GPATCH2L: variants seen among roughly 807,000 people sequenced by gnomAD.
The protein encoded by GPATCH2L is G-patch domain containing 2 like.
Under a neutral mutation model 57.4 loss-of-function variants are expected in GPATCH2L, and 31 were observed. The ratio of observed to expected loss-of-function variants is 0.54; its 90% CI spans 0.41 to 0.73. GPATCH2L has a LOEUF of 0.73. Ranked by LOEUF, GPATCH2L falls within the 30% of genes least tolerant of loss-of-function variation. GPATCH2L has a pLI of 0.00. For synonymous variants in GPATCH2L, 199 were observed against 210.7 expected (o/e 0.94, Z 0.48); for missense variants, 481 against 599.9 (o/e 0.80, Z 2.07).
intron 2 of GPATCH2L, among the ~76,000 whole-genome samples, chr14:76,231,292 T>A (rs12891471): frequency 6.6e-6 from 1 of 151,966 alleles, no homozygotes; most frequent in Non-Finnish European, 1.5e-5. Flanking sequence ...GCCCCTGTTA[T>A]AGACTCACAT....
At chr14:76,220,453 A>T (rs552157118) in intron 1 of GPATCH2L, among the ~76,000 whole-genome samples, 5 of 152,236 alleles carry the variant, frequency 3.3e-5, no homozygotes, top group African/African-American at 7.2e-5. Context: ...TACCAGAAAG[A>T]TAGAGTTTGT....
chr14:76,152,891 T>C, intron 1 of GPATCH2L: 1 of 390,560 alleles, frequency 2.6e-6, no homozygotes, highest in East Asian at 7.2e-5. Context: ...TTTATTTTGG[T>C]CTTAGGGACA....
At chr14:76,191,560 G>A (rs1457725169) in intron 8 of GPATCH2L, among the ~76,000 whole-genome samples, 1 of 152,036 alleles carries the variant, frequency 6.6e-6, no homozygotes, top group Non-Finnish European at 1.5e-5. Flanking sequence ...TCCATTTCCT[G>A]CCTCTAAATC....
intron 8 of GPATCH2L, among the ~76,000 whole-genome samples, chr14:76,181,457 C>G (rs1251244757): frequency 1.3e-5 from 2 of 152,228 alleles, no homozygotes; most frequent in African/African-American, 4.8e-5. Flanking sequence ...TCCTTTATGG[C>G]TCTATCACAG....
At chr14:76,195,225 C>T (rs1008535473) in intron 8 of GPATCH2L, among the ~76,000 whole-genome samples, 3 of 152,142 alleles carry the variant, frequency 2.0e-5, no homozygotes, top group Non-Finnish European at 4.4e-5. Flanking sequence ...CAGTGGTGAA[C>T]TAAAATAGCA....
downstream of GPATCH2L, among the ~76,000 whole-genome samples, chr14:76,218,118 T>C (rs879422029): frequency 7.9e-5 from 12 of 152,296 alleles, no homozygotes; most frequent in South Asian, 2.1e-4. Flanking sequence ...TCATGCTTAA[T>C]TGAGAATACC....
intron 2 of GPATCH2L, among the ~76,000 whole-genome samples, chr14:76,158,869 T>C (rs968848017): frequency 6.6e-6 from 1 of 152,192 alleles, no homozygotes; most frequent in Non-Finnish European, 1.5e-5. Flanking sequence ...TATGATACTA[T>C]TGTACTTGAA....
At chr14:76,219,807 G>A (rs897172163) in intron 1 of GPATCH2L, among the ~76,000 whole-genome samples, 1 of 152,136 alleles carries the variant, frequency 6.6e-6, no homozygotes, top group African/African-American at 2.4e-5. Context: ...GTGTCTTTTG[G>A]GAGCTGGCAA....
Position 76,195,924 on chromosome 14 carries a change from A to G in GPATCH2L, c.1240A>G (p.Arg414Gly), listed in dbSNP as rs887759593. 3.7e-6 allele frequency: 6 copies of G among 1,613,778 alleles called. No individual in the cohort carries two copies. Among genetic ancestry groups the G allele is most frequent in the Non-Finnish European group, 5.1e-6 (6 of 1,179,796 alleles). ...WGPPCSRDIK[R>G]KRKPVATASL... ...ACCACCATGTTCACGTGACATCAAG[A>G]GGAAGCGGAAACCAGTGGCCACAGC... The change falls in exon 9 of 10, where the codon AGG (arginine) becomes GGG (glycine). Residue 414 changes from arginine to glycine, a missense_variant. This residue lies in a region of GPATCH2L where 248 missense variants were observed against 270.5 expected (regional missense o/e 0.92). Coordinates refer to ENST00000261530, the MANE Select transcript of GPATCH2L (RefSeq NM_017926.4).
chr14:76,183,631 A>G (rs1295417791), intron 8 of GPATCH2L, among the ~76,000 whole-genome samples: 2 of 152,216 alleles, frequency 1.3e-5, no homozygotes, highest in African/African-American at 4.8e-5. Flanking sequence ...TTCATGGGAA[A>G]TGATCAGCGC....
intron 9 of GPATCH2L, among the ~76,000 whole-genome samples, chr14:76,199,225 C>G (rs1317500062): frequency 6.6e-6 from 1 of 151,922 alleles, no homozygotes; most frequent in Non-Finnish European, 1.5e-5. Flanking sequence ...AAAATCTTCT[C>G]CCTGCTCTCC....
chr14:76,196,338 A>G (rs2040149737), intron 9 of GPATCH2L: 2 of 533,562 alleles, frequency 3.7e-6, no homozygotes, highest in South Asian at 5.1e-5. Flanking sequence ...TTTTGCATAC[A>G]GTACAGTACA....
At position 76,202,562 on chromosome 14, in the gene GPATCH2L, C is replaced by CACACACAG. The variant is rs1555382895; in HGVS notation, c.*712_*713insCACACAGA. 6 of 150,028 alleles carry CACACACAG rather than the reference C, an allele frequency of 4.0e-5. No homozygotes were observed. The highest frequency in any genetic ancestry group is 1.9e-4 in the East Asian group (1 of 5,130). 9.3% of individuals were successfully genotyped at this position (150,028 alleles called of 1,614,324 possible). On this transcript the variant is annotated 3_prime_UTR_variant, in exon 10 of 10. Coordinates refer to ENST00000261530, the MANE Select transcript of GPATCH2L (RefSeq NM_017926.4). ...ACACACACACACACACACACACACACAGATTGGTATAATGGAGAAGATGGT... is the reference window on the plus strand; with the variant it reads ...ACACACACACACACACACACACACACACACACAGAGATTGGTATAATGGAGAAGATGGT...
chr14:76,221,575 G>A (rs1040087621), intron 1 of GPATCH2L, among the ~76,000 whole-genome samples: 1 of 151,820 alleles, frequency 6.6e-6, no homozygotes, highest in Non-Finnish European at 1.5e-5. Context: ...ATTTGTAATT[G>A]CCCAAGATGT....
intron 9 of GPATCH2L, among the ~76,000 whole-genome samples, chr14:76,201,108 G>C (rs1329410550): frequency 8.5e-5 from 13 of 152,166 alleles, no homozygotes; most frequent in Non-Finnish European, 1.9e-4. Context: ...TATTGGGCCT[G>C]ATTGTGCTCT....
In GPATCH2L at chr14:76,207,441, T is replaced by A. The variant is rs1352987244; in HGVS notation, c.*5590T>A. ...TGTGTAAGGTATGAGTTTACCATAT[T>A]TGTTCATTAGATCTTAGTTTCAAGG... On this transcript the variant is annotated 3_prime_UTR_variant, in exon 10 of 10. Transcript: ENST00000261530. 1 of 152,242 alleles carries A rather than the reference T, an allele frequency of 6.6e-6. No homozygotes were observed. Among genetic ancestry groups the A allele is most frequent in the African/African-American group, 2.4e-5 (1 of 41,460 alleles). 9.4% of individuals were successfully genotyped at this position (152,242 alleles called of 1,614,324 possible). A position where few individuals can be genotyped will look rare whatever the true frequency, so the allele number is the denominator to read the frequency against.
At chr14:76,167,405 A>G (rs2038893868) in intron 3 of GPATCH2L, among the ~76,000 whole-genome samples, 1 of 152,146 alleles carries the variant, frequency 6.6e-6, no homozygotes, top group African/African-American at 2.4e-5. Context: ...TCTTAATCTA[A>G]ATAAGGGATT....
At chr14:76,196,068 T>G (rs972747939) in intron 9 of GPATCH2L, 96 bp downstream of exon 9, 1 of 938,152 alleles carries the variant, frequency 1.1e-6, no homozygotes, top group South Asian at 1.3e-5. Flanking sequence ...TTTGTGATAG[T>G]GTAGGTCATT....
At chr14:76,189,705 TGA>T (rs2139771104) in intron 8 of GPATCH2L, among the ~76,000 whole-genome samples, 1 of 152,260 alleles carries the variant, frequency 6.6e-6, no homozygotes, top group Non-Finnish European at 1.5e-5. Flanking sequence ...TTCTCTTGTC[TGA>T]TTACTCTAGC....
Sources: allele counts gnomAD v4.1 joint callset (sites outside exome capture counted in the v4.1 genomes callset), GRCh38; gene constraint gnomAD v4.1.1; regional missense constraint gnomAD v4.1.1; transcripts MANE v1.5; gene names NCBI Gene and HGNC (gene_info 2026-07-23, HGNC 2026-07-21).